The following MTMR12 variants were observed in gnomAD, a reference collection of about 807,000 sequenced individuals.
The protein encoded by MTMR12 is myotubularin related protein 12.
MTMR12 carries 33 observed loss-of-function variants against 96.7 expected under a neutral mutation model. That is an observed-to-expected ratio of 0.34 (90% CI 0.26 to 0.46). MTMR12 has a LOEUF of 0.46. MTMR12 is among the 20% of genes least tolerant of loss of function. The probability of loss-of-function intolerance (pLI) is 1.00; values close to 1 mark genes in which losing one functional copy is unlikely to be tolerated. For missense variants in MTMR12, 721 were observed against 896.1 expected (o/e 0.80, Z 2.49); for synonymous variants, 298 against 327.2 (o/e 0.91, Z 0.96).
chr5:32,301,883 T>C (rs1227460842), intron 1 of MTMR12, among the ~76,000 whole-genome samples: 1 of 150,990 alleles, frequency 6.6e-6, no homozygotes, highest in African/African-American at 2.4e-5. Flanking sequence ...TCTCAAAAAA[T>C]AATAATAAAA....
At position 32,307,658 on chromosome 5, in the gene MTMR12, C is replaced by T. The variant is rs117215375; in HGVS notation, c.81+5100G>A. The stretch of plus-strand genomic sequence containing the variant: ...ATCAAGGATAGAAGAATCCATTTTA[C>T]TCTGGCAGCAATCCAATTTTAAAAG... On this transcript the variant is annotated intron_variant, in intron 1 of 15. Coordinates refer to ENST00000382142, the MANE Select transcript of MTMR12 (RefSeq NM_001040446.3). Among the ~76,000 whole-genome samples, 44 of 152,328 alleles carry T rather than the reference C, an allele frequency of 2.9e-4. No homozygotes were observed. The East Asian group carries it at 8.1e-3, about 28-fold the overall frequency.
rs1748084676 is a variant in MTMR12, at chr5:32,233,473, A to ACACACACACACACACACAC, written c.1674+299_1674+300insGTGTGTGTGTGTGTGTGTG. ...CTCTACTAACACACACACACACACA[A>ACACACACACACACACACAC]ACACACACACACACACACACACACA... On this transcript the variant is annotated intron_variant, in intron 15 of 15. Transcript: ENST00000382142. The surrounding 1 kb of genome is among the most constrained non-coding windows in gnomAD (Gnocchi z 5.0). Among the ~76,000 whole-genome samples, 2 of 59,934 alleles carry ACACACACACACACACACAC rather than the reference A, an allele frequency of 3.3e-5. No homozygotes were observed. The highest frequency in any genetic ancestry group is 9.2e-5 in the African/African-American group (2 of 21,724). The allele number at this position is 59,934 out of a possible 152,430, so 39.3% of individuals were successfully genotyped here.
chr5:32,287,535 A>T (rs1361876676), intron 1 of MTMR12, among the ~76,000 whole-genome samples: 4 of 152,148 alleles, frequency 2.6e-5, no homozygotes, highest in Non-Finnish European at 4.4e-5. Context: ...ACTCCCCTTT[A>T]TATATATACA....
intron 6 of MTMR12, 86 bp downstream of exon 6, chr5:32,268,615 C>G: frequency 9.0e-7 from 1 of 1,112,694 alleles, no homozygotes; most frequent in Non-Finnish European, 1.4e-6. Context: ...ACAAAACAAC[C>G]CATAGATGTG....
Position 32,276,757 on chromosome 5 carries a change from C to G in MTMR12, c.82-15G>C, listed in dbSNP as rs748593997. The G allele has an allele frequency of 1.9e-6, 3 of 1,607,704 alleles. No homozygotes were observed. The highest frequency in any genetic ancestry group is 2.6e-6 in the Non-Finnish European group (3 of 1,175,186). ...GTGTGAATTTCCTAAAAGAGAAGAG[C>G]AAAGGATATTTTTCTTTGTTTAAGG... On this transcript the variant is annotated splice_polypyrimidine_tract_variant and intron_variant, in intron 1 of 15. Coordinates refer to ENST00000382142, the MANE Select transcript of MTMR12 (RefSeq NM_001040446.3).
chr5:32,231,955 C>A (rs868463453), intron 15 of MTMR12, among the ~76,000 whole-genome samples: 2 of 152,260 alleles, frequency 1.3e-5, no homozygotes, highest in Non-Finnish European at 2.9e-5. Context: ...AGCAATCTGC[C>A]GAAGGCACTG....
At chr5:32,296,016 G>A (rs1197488751) in intron 1 of MTMR12, among the ~76,000 whole-genome samples, 2 of 152,090 alleles carry the variant, frequency 1.3e-5, no homozygotes, top group Non-Finnish European at 2.9e-5. Flanking sequence ...AAAGTTAGCC[G>A]GGCATGGTGG....
chr5:32,293,036 T>C (rs1185854080), intron 1 of MTMR12, among the ~76,000 whole-genome samples: 1 of 152,238 alleles, frequency 6.6e-6, no homozygotes, highest in Non-Finnish European at 1.5e-5. Flanking sequence ...GGGTTGGGGA[T>C]TGGTGAGTTT....
chr5:32,275,705 A>C (rs893171943), intron 2 of MTMR12, among the ~76,000 whole-genome samples: 3 of 152,236 alleles, frequency 2.0e-5, no homozygotes, highest in African/African-American at 7.2e-5. Context: ...ACTGTGAAGT[A>C]ATTCAGGAGG....
At chr5:32,257,775 C>A (rs965910513) in intron 7 of MTMR12, among the ~76,000 whole-genome samples, 2 of 137,268 alleles carry the variant, frequency 1.5e-5, no homozygotes, top group Non-Finnish European at 3.0e-5. Context: ...CTCAAAAAAA[C>A]AAACAAACAA....
In MTMR12 at chr5:32,233,010, T is replaced by C; in HGVS notation, c.1674+763A>G. 1.9e-5 allele frequency: 19 copies of C among 984,954 alleles called. No individual in the cohort carries two copies. The highest frequency in any genetic ancestry group is 2.2e-5 in the Non-Finnish European group (18 of 829,458). The allele number at this position is 984,954 out of a possible 1,614,324, so 61.0% of individuals were successfully genotyped here. ...CTCTGTGGGGGAGAAATTCTGGGCC[T>C]GGAGACAGAGCTAGGAAATGTCAGT... On this transcript the variant is annotated intron_variant, in intron 15 of 15. Coordinates refer to ENST00000382142, the MANE Select transcript of MTMR12 (RefSeq NM_001040446.3). This position sits in a 1 kb window ranked among gnomAD's most constrained non-coding sequence, Gnocchi z 5.0.
chr5:32,304,048 C>A (rs936599618), intron 1 of MTMR12, among the ~76,000 whole-genome samples: 1 of 152,050 alleles, frequency 6.6e-6, no homozygotes, highest in East Asian at 1.9e-4. Context: ...ATAGGCCGGG[C>A]GCAGTAGCTC....
intron 1 of MTMR12, among the ~76,000 whole-genome samples, chr5:32,306,348 T>C (rs1263922457): frequency 6.6e-6 from 1 of 152,206 alleles, no homozygotes. Context: ...AAATGAGATA[T>C]GCGTAGTTCC....
chr5:32,276,872 ACTTTTT>A, intron 1 of MTMR12, 130 bp from the exon 2 acceptor site: 29 of 298,264 alleles, frequency 9.7e-5, no homozygotes, highest in East Asian at 3.1e-4. Flanking sequence ...GTTACAAGCT[ACTTTTT>A]TTTTTTTTTT....
At chr5:32,270,257 C>A (rs1180125967) in intron 5 of MTMR12, among the ~76,000 whole-genome samples, 2 of 151,940 alleles carry the variant, frequency 1.3e-5, no homozygotes, top group Admixed American at 6.6e-5. Flanking sequence ...CAAATTGATA[C>A]AACCACTTTC....
intron 1 of MTMR12, among the ~76,000 whole-genome samples, chr5:32,297,390 T>C (rs896532923): frequency 6.6e-6 from 1 of 152,172 alleles, no homozygotes; most frequent in Admixed American, 6.5e-5. Context: ...TACAAAGTAA[T>C]ACCTACAAAT....
At chr5:32,241,717 CTTTA>C (rs1748482142) in intron 12 of MTMR12, among the ~76,000 whole-genome samples, 1 of 152,268 alleles carries the variant, frequency 6.6e-6, no homozygotes, top group East Asian at 1.9e-4. Context: ...CCATGGATCT[CTTTA>C]TATAAGAGGG....
At chr5:32,231,921 C>A (rs1180068965) in intron 15 of MTMR12, among the ~76,000 whole-genome samples, 1 of 152,232 alleles carries the variant, frequency 6.6e-6, no homozygotes, top group Middle Eastern at 3.2e-3. Context: ...ACTTTACAAG[C>A]AAGGAAACTA....
chr5:32,304,680 A>C (rs1751284177), intron 1 of MTMR12, among the ~76,000 whole-genome samples: 1 of 152,226 alleles, frequency 6.6e-6, no homozygotes, highest in Non-Finnish European at 1.5e-5. Flanking sequence ...TAAAATTCTG[A>C]TGGTAGCCCT....
Sources: allele counts gnomAD v4.1 joint callset (sites outside exome capture counted in the v4.1 genomes callset), GRCh38; gene constraint gnomAD v4.1.1; non-coding constraint Gnocchi (gnomAD v3.1); transcripts MANE v1.5; gene names NCBI Gene and HGNC (gene_info 2026-07-23, HGNC 2026-07-21).